Variants in URB1 observed in about 807,000 individuals in gnomAD.
URB1 encodes the protein nucleolar pre-ribosomal-associated protein 1.
URB1 carries 197 observed loss-of-function variants against 242.3 expected under a neutral mutation model. The observed-to-expected ratio is 0.81, with a 90% confidence interval of 0.72 to 0.91. The LOEUF (loss-of-function observed/expected upper bound fraction) is 0.91. URB1 is among the 40% of genes least tolerant of loss of function. The pLI, the probability that URB1 is intolerant of heterozygous loss-of-function variation, is 0.00. For missense variants in URB1, 2,721 were observed against 2,860.5 expected (o/e 0.95, Z 1.11); for synonymous variants, 1,153 against 1,201.8 (o/e 0.96, Z 0.84).
Position 32,332,569 on chromosome 21 carries a change from C to CAAAA in URB1, c.4960+744_4960+747dup, listed in dbSNP as rs370649839. Reference sequence around the variant, plus strand: ...AAACTCAAGTTAAAAAAACAAAAGACAAAAAAAAAAAAAAATCCCCAAACT... The same window carrying CAAAA: ...AAACTCAAGTTAAAAAAACAAAAGACAAAAAAAAAAAAAAAAAAATCCCCAAACT... On this transcript the variant is annotated intron_variant, in intron 30 of 38. Coordinates refer to ENST00000382751, the MANE Select transcript of URB1 (RefSeq NM_014825.3). Among the ~76,000 whole-genome samples, 5 of 1,824 alleles carry CAAAA rather than the reference C, an allele frequency of 2.7e-3. 1 individual carries two copies. Among genetic ancestry groups the CAAAA allele is most frequent in the Admixed American group, 0.014 (2 of 148 alleles). 1.2% of individuals were successfully genotyped at this position (1,824 alleles called of 152,430 possible).
At chr21:32,379,671 C>T (rs1359376185) in intron 4 of URB1, among the ~76,000 whole-genome samples, 4 of 152,146 alleles carry the variant, frequency 2.6e-5, no homozygotes, top group Non-Finnish European at 5.9e-5. Flanking sequence ...ACACCACACC[C>T]ATTTTACAGA....
Position 32,384,484 on chromosome 21 carries a change from A to G in URB1, c.283-20T>C. 3 of 1,545,958 alleles carry G rather than the reference A, an allele frequency of 1.9e-6. No individual in the cohort carries two copies. Among genetic ancestry groups the G allele is most frequent in the Non-Finnish European group, 2.6e-6 (3 of 1,142,328 alleles). ...CATCGTCTGCAAAGACAGAATTGAA[A>G]CGCTTAGAAATCGTCTCATTTCCTT... On this transcript the variant is annotated intron_variant, in intron 2 of 38. Coordinates refer to ENST00000382751, the MANE Select transcript of URB1 (RefSeq NM_014825.3).
chr21:32,354,356 A>C (rs2298364), intron 17 of URB1, among the ~76,000 whole-genome samples: 2,092 of 152,328 alleles, frequency 0.014, 32 homozygotes, highest in African/African-American at 0.045. Context: ...AAGTGACACA[A>C]GAAGCCCAGG....
At position 32,338,865 on chromosome 21, in the gene URB1, A is replaced by G. The variant is rs1303165261; in HGVS notation, c.4352T>C (p.Leu1451Pro). 1 of 1,549,514 alleles carries G rather than the reference A, an allele frequency of 6.5e-7. No individual in the cohort carries two copies. The highest frequency in any genetic ancestry group is 8.7e-7 in the Non-Finnish European group (1 of 1,145,324). ...GTACAGGAGCTGTACGGCGGTGAGG[A>G]GCATCTTTAAAAATGTGTGGTCCTG... ...RYQDHTFLKM[L>P]LTAVQLLYSP... The change falls in exon 26 of 39, where the codon CTC becomes CCC. Residue 1451 changes from leucine to proline, a missense_variant. Transcript: ENST00000382751.
Position 32,382,378 on chromosome 21 carries a change from G to A in URB1, c.567+1044C>T, listed in dbSNP as rs558673954. 7.2e-5 allele frequency among the ~76,000 whole-genome samples: 11 copies of A among 152,274 alleles called. No homozygotes were observed. In the East Asian group the frequency reaches 2.1e-3, roughly 29 times the overall value. On this transcript the variant is annotated intron_variant, in intron 4 of 38. Coordinates refer to ENST00000382751, the MANE Select transcript of URB1 (RefSeq NM_014825.3). ...CATGGATAAAGCATAGTATCTAAGA[G>A]ACATTAAGACCTGGAATTTTTTTCC...
intron 10 of URB1, 63 bp from the exon 11 acceptor site, chr21:32,363,392 G>T: frequency 6.7e-7 from 1 of 1,502,264 alleles, no homozygotes; most frequent in Non-Finnish European, 8.9e-7. Context: ...CTAAGCTATG[G>T]GCTTGGCTGG....
At position 32,319,385 on chromosome 21, in the gene URB1, A is replaced by T; in HGVS notation, c.5624T>A (p.Val1875Glu). The change falls in exon 36 of 39, where the codon GTG becomes GAG. Residue 1875 changes from valine to glutamate, a missense_variant. Coordinates refer to ENST00000382751, the MANE Select transcript of URB1 (RefSeq NM_014825.3). ...CCACAGTGTGTGTAGCAAGGAGATC[A>T]CATTAGACAGCAGCGGAGTCTCCAG... ...KFLETPLLSN[V>E]ISLLHTLWVT... The T allele has an allele frequency of 6.5e-7, 1 of 1,539,454 alleles. No homozygotes were observed.
chr21:32,392,716 G>A, intron 1 of URB1, 53 bp downstream of exon 1: 2 of 1,367,222 alleles, frequency 1.5e-6, no homozygotes, highest in Non-Finnish European at 1.9e-6. Flanking sequence ...GGCACACGGA[G>A]GCCGCCTCGC....
intron 25 of URB1, among the ~76,000 whole-genome samples, chr21:32,340,173 T>C (rs966964309): frequency 6.6e-6 from 1 of 152,232 alleles, no homozygotes; most frequent in African/African-American, 2.4e-5. Flanking sequence ...TGAAATACTT[T>C]TCTCTGTTTC....
intron 12 of URB1, 36 bp from the exon 13 acceptor site, chr21:32,361,159 A>AAAAGAATGAAAGAAAGAAAGAAAGAAAG (rs2033280402): frequency 3.8e-6 from 1 of 264,830 alleles, no homozygotes; most frequent in Middle Eastern, 1.0e-3. Context: ...AAAAAGAGAA[A>AAAAGAATGAAAGAAAGAAAGAAAGAAAG]AAAGAAAGAA....
intron 4 of URB1, among the ~76,000 whole-genome samples, chr21:32,380,180 T>C (rs1210066537): frequency 6.6e-6 from 1 of 152,220 alleles, no homozygotes; most frequent in Non-Finnish European, 1.5e-5. Context: ...TAGGTCTCTG[T>C]GCAAGTCTTT....
chr21:32,341,781 A>C (rs1296576911), intron 24 of URB1, among the ~76,000 whole-genome samples: 1 of 152,216 alleles, frequency 6.6e-6, no homozygotes, highest in Non-Finnish European at 1.5e-5. Flanking sequence ...ATAGGCATAC[A>C]AATTTATTAA....
rs1310843584 is a variant in URB1, at chr21:32,362,031, A to T, written c.1510-10T>A. On this transcript the variant is annotated splice_polypyrimidine_tract_variant and intron_variant, in intron 11 of 38. Transcript: ENST00000382751. ...TCAGGTCTGGCAAAATCTAAATGGG[A>T]AAAAGAAGCAGAACATTAGTTGTAG... The T allele has an allele frequency of 1.9e-6, 3 of 1,550,854 alleles. No homozygotes were observed. The Admixed American group carries it at 5.9e-5, about 31-fold the overall frequency.
intron 5 of URB1, among the ~76,000 whole-genome samples, chr21:32,376,439 G>C (rs561218790): frequency 2.6e-5 from 4 of 152,234 alleles, no homozygotes; most frequent in Non-Finnish European, 5.9e-5. Flanking sequence ...GGAAAAATCA[G>C]AAAATACCAG....
chr21:32,354,223 G>A (rs760048203), intron 17 of URB1, 120 bp from the exon 18 acceptor site: 5 of 1,136,974 alleles, frequency 4.4e-6, no homozygotes, highest in African/African-American at 1.6e-5. Context: ...ATTCCTCTTG[G>A]GGGGAGCATT....
Position 32,384,392 on chromosome 21 carries a change from C to T in URB1, c.355G>A (p.Val119Met). The part of the protein sequence containing the change: ...TASDLSHFHV[V>M]GTNIVKKLMN... ...AGCTTTTTCACAATGTTGGTTCCCACAACATGGAAATGTGAAAGATCACTT... is the reference window on the plus strand; with the variant it reads ...AGCTTTTTCACAATGTTGGTTCCCATAACATGGAAATGTGAAAGATCACTT... The change falls in exon 3 of 39, where the codon GTG becomes ATG. Residue 119 changes from valine (V) to methionine (M), a missense_variant. Coordinates refer to ENST00000382751, the MANE Select transcript of URB1 (RefSeq NM_014825.3). 6.4e-7 allele frequency: 1 copy of T among 1,552,234 alleles called. No individual in the cohort carries two copies. Among genetic ancestry groups the T allele is most frequent in the Non-Finnish European group, 8.7e-7 (1 of 1,147,094 alleles).
intron 30 of URB1, among the ~76,000 whole-genome samples, chr21:32,329,722 C>T (rs2032872024): frequency 6.6e-6 from 1 of 152,170 alleles, no homozygotes; most frequent in African/African-American, 2.4e-5. Flanking sequence ...CTGGCAGCCA[C>T]ATATAAAAAT....
chr21:32,329,511 C>G, intron 30 of URB1, among the ~76,000 whole-genome samples: 1 of 152,202 alleles, frequency 6.6e-6, no homozygotes, highest in East Asian at 1.9e-4. Flanking sequence ...GAATTATGAG[C>G]TGTAGATTTC....
At chr21:32,372,705 G>A in intron 7 of URB1, 74 bp from the exon 8 acceptor site, 5 of 1,444,220 alleles carry the variant, frequency 3.5e-6, no homozygotes, top group Admixed American at 5.6e-5. Context: ...GTAAAAACAA[G>A]GACAATATTA....
Sources: gnomAD v4.1 joint callset for allele counts (sites outside exome capture counted in the v4.1 genomes callset) on GRCh38, gnomAD v4.1.1 for gene constraint, MANE v1.5 for transcripts, NCBI Gene and HGNC (gene_info 2026-07-23, HGNC 2026-07-21) for gene names.